JMJD1C: variants seen among roughly 807,000 people sequenced by gnomAD.
JMJD1C encodes the protein jumonji domain containing 1C, also known as jumonji domain-containing protein 1C.
A neutral mutation model predicts 245.3 loss-of-function variants in JMJD1C; 31 were observed. The ratio of observed to expected loss-of-function variants is 0.13; its 90% confidence interval spans 0.09 to 0.17. The LOEUF is 0.17. Ranked by LOEUF, JMJD1C falls within the 10% of genes least tolerant of loss-of-function variation. JMJD1C has a pLI of 1.00. For synonymous variants in JMJD1C, 1,057 were observed against 1,017.4 expected (o/e 1.04, Z -0.74); for missense variants, 2,691 against 3,000.2 (o/e 0.90, Z 2.41).
At chr10:63,481,590 A>C (rs1383797839) in intron 1 of JMJD1C, among the ~76,000 whole-genome samples, 1 of 152,210 alleles carries the variant, frequency 6.6e-6, no homozygotes, top group Non-Finnish European at 1.5e-5. Context: ...AGATTATCTA[A>C]ATGTGGCTTA....
At chr10:63,238,189 A>AAAAAAAG (rs1554850615) in intron 3 of JMJD1C, among the ~76,000 whole-genome samples, 7,674 of 135,460 alleles carry the variant, frequency 0.057, 581 homozygotes, top group East Asian at 0.26. Flanking sequence ...TCAAAAAAAA[A>AAAAAAAG]AAAAAAGAAA....
intron 1 of JMJD1C, among the ~76,000 whole-genome samples, chr10:63,411,391 C>A (rs187407115): frequency 3.3e-5 from 5 of 151,040 alleles, no homozygotes; most frequent in African/African-American, 1.2e-4. Flanking sequence ...CTCCGCCTCC[C>A]GGGGTCAAGC....
intron 4 of JMJD1C, chr10:63,217,826 T>C (rs1313809549): frequency 2.0e-5 from 3 of 152,164 alleles, no homozygotes; most frequent in African/African-American, 7.2e-5. Context: ...AGAGATTGGC[T>C]AAGTGAATGT....
chr10:63,341,372 G>T (rs1943363577), intron 2 of JMJD1C, among the ~76,000 whole-genome samples: 1 of 152,192 alleles, frequency 6.6e-6, no homozygotes, highest in Non-Finnish European at 1.5e-5. Flanking sequence ...TACTGCCCTA[G>T]AAAGACACTG....
chr10:63,422,920 T>G (rs1950207398), intron 1 of JMJD1C, among the ~76,000 whole-genome samples: 1 of 152,136 alleles, frequency 6.6e-6, no homozygotes, highest in Non-Finnish European at 1.5e-5. Context: ...CTAAAATAAC[T>G]TCACACCCTA....
chr10:63,278,383 G>A (rs956170327), intron 2 of JMJD1C, among the ~76,000 whole-genome samples: 3 of 145,894 alleles, frequency 2.1e-5, no homozygotes, highest in Non-Finnish European at 4.6e-5. Flanking sequence ...AAAATTAGCC[G>A]GGTGTGGTAG....
chr10:63,211,358 T>C lies in JMJD1C; in HGVS notation c.2694+2115A>G, dbSNP rs1009291210. Among the ~76,000 whole-genome samples the C allele has an allele frequency of 3.3e-5, 5 of 151,086 alleles. No individual in the cohort carries two copies. In the South Asian group the frequency reaches 1.0e-3, roughly 32 times the overall value. ...TTGCACACCTGTAGTCCTAGCTACT[T>C]GGGAGGCTGAGGCAGGACAATCACT... On this transcript the variant is annotated intron_variant, in intron 8 of 25. Coordinates refer to ENST00000399262, the MANE Select transcript of JMJD1C (RefSeq NM_032776.3).
intron 1 of JMJD1C, among the ~76,000 whole-genome samples, chr10:63,456,563 C>A (rs528425251): frequency 1.3e-5 from 2 of 152,088 alleles, no homozygotes; most frequent in Non-Finnish European, 2.9e-5. Flanking sequence ...CTAACTTTAA[C>A]AGATGGATCA....
intron 3 of JMJD1C, among the ~76,000 whole-genome samples, chr10:63,224,543 G>T (rs1302935275): frequency 6.6e-6 from 1 of 152,082 alleles, no homozygotes; most frequent in Non-Finnish European, 1.5e-5. Flanking sequence ...ATTATTAAAG[G>T]TTAAATGAGC....
intron 3 of JMJD1C, among the ~76,000 whole-genome samples, chr10:63,235,501 AAAAGAAAG>A (rs980395048): frequency 6.6e-6 from 1 of 152,202 alleles, no homozygotes; most frequent in Non-Finnish European, 1.5e-5. Flanking sequence ...TGGTCTCAAA[AAAAGAAAG>A]AAAGAAAGAA....
chr10:63,204,756 G>C (rs933301699), intron 10 of JMJD1C: 8 of 985,276 alleles, frequency 8.1e-6, no homozygotes, highest in Non-Finnish European at 8.4e-6. Flanking sequence ...TCAGTCTCTG[G>C]CTCTAGTTGA....
Position 63,213,785 on chromosome 10 carries a change from A to C in JMJD1C, c.2382T>G (p.His794Gln). The C allele has an allele frequency of 6.2e-7, 1 of 1,614,072 alleles. No individual in the cohort carries two copies. The highest frequency in any genetic ancestry group is 8.5e-7 in the Non-Finnish European group (1 of 1,179,990). Reference protein sequence around the residue: ...SGPHHAVHHPHLLPTVLPGVP... With the variant: ...SGPHHAVHHPQLLPTVLPGVP... ...CTCCAGGTAACACAGTGGGAAGTAA[A>C]TGAGGGTGATGAACAGCATGGTGTG... Residue 794 changes from histidine (H) to glutamine (Q), a missense_variant, in exon 8 of 26, where the codon CAT becomes CAG. This residue lies in a region of JMJD1C where 1,562 missense variants were observed against 1,490.7 expected (regional missense o/e 1.05). Coordinates refer to ENST00000399262, the MANE Select transcript of JMJD1C (RefSeq NM_032776.3).
At chr10:63,248,446 G>A (rs1428297963) in intron 3 of JMJD1C, among the ~76,000 whole-genome samples, 9 of 151,118 alleles carry the variant, frequency 6.0e-5, no homozygotes, top group East Asian at 1.9e-4. Flanking sequence ...ACTTGAATCC[G>A]GGAGGCAGAG....
Position 63,194,299 on chromosome 10 carries a change from A to G in JMJD1C, c.5721T>C (p.Ile1907=). Reference sequence around the variant, plus strand: ...AGATATACTTACCAGAACCAGGTATAATTTGGGTTGGCATTAAATGTTTGT... The same window carrying G: ...AGATATACTTACCAGAACCAGGTATGATTTGGGTTGGCATTAAATGTTTGT... ...HDHKHLMPTQ[I]IPGSVLTDLL... The change falls in exon 14 of 26, where the codon ATT becomes ATC. Residue 1907 remains isoleucine, a synonymous_variant. Coordinates refer to ENST00000399262, the MANE Select transcript of JMJD1C (RefSeq NM_032776.3). 6.2e-7 allele frequency: 1 copy of G among 1,608,450 alleles called. No homozygotes were observed. The highest frequency in any genetic ancestry group is 8.5e-7 in the Non-Finnish European group (1 of 1,174,908).
At chr10:63,205,688 C>T (rs1373396384) in intron 10 of JMJD1C, among the ~76,000 whole-genome samples, 3 of 152,040 alleles carry the variant, frequency 2.0e-5, no homozygotes, top group African/African-American at 7.3e-5. Context: ...CTTACAAACC[C>T]GTACAGTATT....
intron 1 of JMJD1C, among the ~76,000 whole-genome samples, chr10:63,406,162 A>AG (rs1359009179): frequency 6.6e-6 from 1 of 152,168 alleles, no homozygotes; most frequent in African/African-American, 2.4e-5. Context: ...TTCTCCACTA[A>AG]GGAGAATTGA....
intron 3 of JMJD1C, chr10:63,222,359 AT>A: frequency 8.4e-7 from 1 of 1,184,334 alleles, no homozygotes; most frequent in South Asian, 1.2e-5. Context: ...AACAAATCAT[AT>A]GTTTTTCAGT....
chr10:63,274,030 C>G (rs577852944), intron 2 of JMJD1C, among the ~76,000 whole-genome samples: 2 of 152,144 alleles, frequency 1.3e-5, no homozygotes, highest in Non-Finnish European at 2.9e-5. Context: ...ATTATACAGA[C>G]TCAAAAACAA....
chr10:63,365,835 C>A (rs1945788025), intron 2 of JMJD1C, among the ~76,000 whole-genome samples: 1 of 152,156 alleles, frequency 6.6e-6, no homozygotes, highest in Non-Finnish European at 1.5e-5. Flanking sequence ...GAAAGATCAA[C>A]CTTATTGAAA....
Sources: allele counts gnomAD v4.1 joint callset (sites outside exome capture counted in the v4.1 genomes callset), GRCh38; gene constraint gnomAD v4.1.1; regional missense constraint gnomAD v4.1.1; transcripts MANE v1.5; gene names NCBI Gene and HGNC (gene_info 2026-07-23, HGNC 2026-07-21).